The following ANKRD11 variants were observed in gnomAD, a reference collection of about 807,000 sequenced individuals.
ANKRD11 encodes ankyrin repeat domain 11, also known as ankyrin repeat domain-containing protein 11.
ANKRD11 carries 17 observed loss-of-function variants against 195.7 expected under a neutral mutation model. The ratio of observed to expected loss-of-function variants is 0.09; its 90% CI spans 0.06 to 0.13. The LOEUF (loss-of-function observed/expected upper bound fraction) is 0.13, where lower values mean the gene tolerates loss of function less well. Ranked by LOEUF, ANKRD11 falls within the 10% of genes least tolerant of loss-of-function variation. The pLI, the probability that ANKRD11 is intolerant of heterozygous loss-of-function variation, is 1.00. For missense variants in ANKRD11, 3,735 were observed against 3,566.1 expected (o/e 1.05, Z -1.21); for synonymous variants, 1,953 against 1,528.1 (o/e 1.28, Z -6.49).
intron 4 of ANKRD11, among the ~76,000 whole-genome samples, chr16:89,292,317 G>A (rs1363733554): frequency 1.3e-5 from 2 of 152,080 alleles, no homozygotes; most frequent in African/African-American, 4.8e-5. Flanking sequence ...CTCTAACAAC[G>A]GACTAACTGG....
intron 2 of ANKRD11, among the ~76,000 whole-genome samples, chr16:89,366,128 T>TAAA (rs1194866321): frequency 1.4e-5 from 1 of 69,612 alleles, no homozygotes; most frequent in African/African-American, 6.6e-5. Context: ...AGACTCCATC[T>TAAA]CAAAAAAAAA....
chr16:89,438,581 C>T (rs2043314471), intron 1 of ANKRD11, among the ~76,000 whole-genome samples: 1 of 152,134 alleles, frequency 6.6e-6, no homozygotes, highest in African/African-American at 2.4e-5. Context: ...GATCCACCCA[C>T]CTGGGCCTCC....
At chr16:89,398,325 GCT>G (rs1567749733) in intron 2 of ANKRD11, among the ~76,000 whole-genome samples, 11 of 134,804 alleles carry the variant, frequency 8.2e-5, no homozygotes, top group African/African-American at 2.8e-4. Context: ...CTGTGAAACA[GCT>G]GAAGACTACC....
intron 1 of ANKRD11, among the ~76,000 whole-genome samples, chr16:89,489,656 T>C (rs1275215309): frequency 2.6e-5 from 4 of 151,504 alleles, no homozygotes; most frequent in Non-Finnish European, 5.9e-5. Flanking sequence ...GCGCCCCAGC[T>C]CCGCAGAACC....
chr16:89,418,008 TA>T (rs2042373572), intron 2 of ANKRD11, among the ~76,000 whole-genome samples: 1 of 152,172 alleles, frequency 6.6e-6, no homozygotes, highest in Admixed American at 6.5e-5. Context: ...CAAGAGGAAA[TA>T]AACTTCTTTT....
At chr16:89,353,229 C>A (rs762697413) in intron 2 of ANKRD11, among the ~76,000 whole-genome samples, 1 of 151,988 alleles carries the variant, frequency 6.6e-6, no homozygotes. Context: ...ATAATCCCAG[C>A]TACTCAGGAG....
At chr16:89,323,068 G>A in intron 2 of ANKRD11, 2 of 303,124 alleles carry the variant, frequency 6.6e-6, no homozygotes, top group South Asian at 5.1e-5. Context: ...GTGTCTGAAG[G>A]ATGCTTTACG....
intron 2 of ANKRD11, among the ~76,000 whole-genome samples, chr16:89,384,218 TCAAAAACAAA>T (rs1370019585): frequency 2.0e-5 from 3 of 152,018 alleles, no homozygotes; most frequent in Non-Finnish European, 4.4e-5. Context: ...AGACTCCATC[TCAAAAACAAA>T]CAAAAACAAA....
intron 1 of ANKRD11, among the ~76,000 whole-genome samples, chr16:89,420,826 C>T (rs2042481652): frequency 6.6e-6 from 1 of 152,198 alleles, no homozygotes; most frequent in African/African-American, 2.4e-5. Flanking sequence ...AAGGGGTCCT[C>T]CCACCTCAGC....
chr16:89,345,797 G>T (rs907388017), intron 2 of ANKRD11, among the ~76,000 whole-genome samples: 3 of 152,144 alleles, frequency 2.0e-5, no homozygotes, highest in Admixed American at 2.0e-4. Context: ...ACCAGGCTGG[G>T]CTTCCTCTAT....
chr16:89,280,582 A>T lies in ANKRD11; in HGVS notation c.5960T>A (p.Phe1987Tyr). Reference protein sequence around the residue: ...SDLLLKSPQRFPESPKRFCPA... With the variant: ...SDLLLKSPQRYPESPKRFCPA... ...GCAGAAACGCTTTGGGGACTCGGGG[A>T]ATCTCTGTGGAGACTTCAGCAGGAG... The change falls in exon 9 of 13, where the codon TTC (phenylalanine) becomes TAC (tyrosine). Residue 1987 changes from phenylalanine to tyrosine, a missense_variant. Phe to Tyr is a conservative substitution (Grantham distance 22). Coordinates refer to ENST00000301030, the MANE Select transcript of ANKRD11 (RefSeq NM_013275.6). The T allele has an allele frequency of 1.9e-6, 3 of 1,613,330 alleles. No individual in the cohort carries two copies. The highest frequency in any genetic ancestry group is 2.5e-6 in the Non-Finnish European group (3 of 1,179,912).
chr16:89,467,163 G>A (rs969779153), intron 1 of ANKRD11, among the ~76,000 whole-genome samples: 18 of 152,106 alleles, frequency 1.2e-4, no homozygotes, highest in African/African-American at 3.1e-4. Flanking sequence ...CAGGAGCGGC[G>A]GCTCATGTCT....
At chr16:89,373,176 C>T (rs2040268623) in intron 2 of ANKRD11, 1 of 152,244 alleles carries the variant, frequency 6.6e-6, no homozygotes, top group African/African-American at 2.4e-5. Flanking sequence ...CTTCACAGAT[C>T]ATCCAATGCA....
Position 89,279,921 on chromosome 16 carries a change from G to C in ANKRD11, c.6621C>G (p.Pro2207=). Residue 2207 remains proline, a synonymous_variant, in exon 9 of 13, where the codon CCC becomes CCG. Transcript: ENST00000301030. This position sits in a 1 kb window ranked among gnomAD's most constrained non-coding sequence, Gnocchi z 5.6. ...CCACGTCCAGCTTTGGCTCCCCTGAGGGCTCAGGCTCGAGCTCTGCAGGGA... is the reference window on the plus strand; with the variant it reads ...CCACGTCCAGCTTTGGCTCCCCTGACGGCTCAGGCTCGAGCTCTGCAGGGA... ...TRLPAELEPE[P]SGEPKLDVAL... The C allele has an allele frequency of 6.2e-7, 1 of 1,609,918 alleles. No homozygotes were observed. Among genetic ancestry groups the C allele is most frequent in the Non-Finnish European group, 8.5e-7 (1 of 1,179,694 alleles).
intron 2 of ANKRD11, among the ~76,000 whole-genome samples, chr16:89,388,609 T>A (rs529876214): frequency 1.3e-5 from 2 of 152,114 alleles, no homozygotes; most frequent in South Asian, 4.2e-4. Context: ...TGGAAAATAT[T>A]TGCACCTGAG....
chr16:89,314,537 C>A (rs748992957), intron 3 of ANKRD11, among the ~76,000 whole-genome samples: 1 of 152,184 alleles, frequency 6.6e-6, no homozygotes, highest in East Asian at 1.9e-4. Context: ...GTGGCTCTTC[C>A]GGCCTTTCTC....
In ANKRD11 at chr16:89,300,831, A is replaced by G. The variant is rs1410972170; in HGVS notation, c.226+4375T>C. The G allele has an allele frequency of 5.7e-6, 4 of 701,606 alleles. No homozygotes were observed. In the Admixed American group the frequency reaches 6.0e-5, roughly 11 times the overall value. The allele number at this position is 701,606 out of a possible 1,614,324, so 43.5% of individuals were successfully genotyped here. A position where few individuals can be genotyped will look rare whatever the true frequency, so the allele number is the denominator to read the frequency against. On this transcript the variant is annotated intron_variant, in intron 4 of 12. Transcript: ENST00000301030. ...GGTGTCATTCACAGGTCAAAGCAAA[A>G]TAAGAAAATCATAATTTTTCCCCTT...
At chr16:89,323,339 G>A in intron 2 of ANKRD11, 2 of 1,288,952 alleles carry the variant, frequency 1.6e-6, no homozygotes, top group Non-Finnish European at 2.0e-6. Flanking sequence ...CCCAGGTATG[G>A]AAGAGAAGCA....
At chr16:89,328,035 T>C (rs1358615262) in intron 2 of ANKRD11, among the ~76,000 whole-genome samples, 1 of 152,132 alleles carries the variant, frequency 6.6e-6, no homozygotes, top group East Asian at 1.9e-4. Flanking sequence ...CAACAAACAT[T>C]AATTAGAAAA....
Sources: gnomAD v4.1 joint callset for allele counts (sites outside exome capture counted in the v4.1 genomes callset) on GRCh38, gnomAD v4.1.1 for gene constraint, Gnocchi (gnomAD v3.1) non-coding constraint, MANE v1.5 for transcripts, NCBI Gene and HGNC (gene_info 2026-07-23, HGNC 2026-07-21) for gene names.